VPS13C: variants seen among roughly 807,000 people sequenced by gnomAD.
VPS13C encodes vacuolar protein sorting 13 homolog C, also known as intermembrane lipid transfer protein VPS13C.
Under a neutral mutation model 456.8 loss-of-function variants are expected in VPS13C, and 358 were observed. The ratio of observed to expected loss-of-function variants is 0.78; its 90% CI spans 0.72 to 0.86. The LOEUF is 0.86. Among genes scored for constraint, VPS13C ranks in the 40% least tolerant of loss-of-function variants. The pLI, the probability that VPS13C is intolerant of heterozygous loss-of-function variation, is 0.00. For missense variants in VPS13C, 4,818 were observed against 4,385.4 expected, an observed-to-expected ratio of 1.10 and a Z score of -2.79; for synonymous variants, 1,578 against 1,486.7, an observed-to-expected ratio of 1.06 and a Z score of -1.41.
chr15:61,890,212 C>CAGT lies in VPS13C; in HGVS notation c.9291_9293dup (p.Leu3098dup). On this transcript the variant is annotated inframe_insertion, in exon 67 of 85. Transcript: ENST00000644861. ...CTTCCTGCTTGCTTTCATTGTTAAC[C>CAGT]AGTGAAAGCCCAAGACTGTGGAGAG... The CAGT allele has an allele frequency of 6.2e-7, 1 of 1,613,928 alleles. No individual in the cohort carries two copies. The highest frequency in any genetic ancestry group is 8.5e-7 in the Non-Finnish European group (1 of 1,179,974).
intron 66 of VPS13C, among the ~76,000 whole-genome samples, chr15:61,897,211 G>A (rs1191634016): frequency 6.6e-6 from 1 of 152,148 alleles, no homozygotes; most frequent in African/African-American, 2.4e-5. Flanking sequence ...TCCTCCAAAG[G>A]AATGCAGTTC....
At chr15:62,060,058 A>C in intron 1 of VPS13C, among the ~76,000 whole-genome samples, 1 of 152,192 alleles carries the variant, frequency 6.6e-6, no homozygotes, top group South Asian at 2.1e-4. Context: ...GAACTTTGGC[A>C]GCGCGGGCGG....
rs144188372 is a variant in VPS13C, at chr15:61,865,633, T to C, written c.10864-2105A>G. 1,203 of 421,184 alleles carry C rather than the reference T, an allele frequency of 2.9e-3. 2 individuals are homozygous for C. The highest frequency in any genetic ancestry group is 3.6e-3 in the Non-Finnish European group (1,132 of 314,658). The allele number at this position is 421,184 out of a possible 1,614,324, so 26.1% of individuals were successfully genotyped here. ...GTATATATGTATGTGTACATATGGG[T>C]ATATTTGTATGTGTGTATATATATG... is the stretch of plus-strand genomic sequence containing the variant. On this transcript the variant is annotated intron_variant, in intron 81 of 84. Coordinates refer to ENST00000644861, the MANE Select transcript of VPS13C (RefSeq NM_020821.3).
chr15:61,920,502 G>A lies in VPS13C; in HGVS notation c.7208C>T (p.Ala2403Val). 4.6e-6 allele frequency: 7 copies of A among 1,524,092 alleles called. No individual in the cohort carries two copies. The highest frequency in any genetic ancestry group is 6.2e-6 in the Non-Finnish European group (7 of 1,136,470). 94.4% of individuals were successfully genotyped at this position (1,524,092 alleles called of 1,614,324 possible). ...KSCLNVFNNL[A>V]KGFSEGTAST... ...CTAAGCAAGATTCAGACATACTTTT[G>A]CTAAATTGTTGAAAACATTAAGACA... The change falls in exon 56 of 85, where the codon GCA becomes GTA. Residue 2403 changes from alanine (A) to valine (V), a missense_variant. Ala to Val is a moderately conservative substitution (Grantham distance 64, BLOSUM62 0). Around this residue, in one of 3 missense-constraint regions of VPS13C, gnomAD observed 4,552 missense variants for 4,130.6 expected, o/e 1.10. Coordinates refer to ENST00000644861, the MANE Select transcript of VPS13C (RefSeq NM_020821.3).
chr15:62,022,986 G>A (rs2047513890), intron 8 of VPS13C, among the ~76,000 whole-genome samples: 1 of 151,902 alleles, frequency 6.6e-6, no homozygotes, highest in South Asian at 2.1e-4. Context: ...TCAGTGGTAT[G>A]TAAAGAGAAT....
chr15:61,884,384 A>G, intron 67 of VPS13C, 115 bp from the exon 68 acceptor site: 1 of 1,117,082 alleles, frequency 9.0e-7, no homozygotes, highest in Non-Finnish European at 1.2e-6. Context: ...CATTGGTATA[A>G]GGGACTTCTT....
At position 61,961,776 on chromosome 15, in the gene VPS13C, T is replaced by G. The variant is rs201491039; in HGVS notation, c.3721A>C (p.Ile1241Leu). The change falls in exon 35 of 85, where the codon ATC becomes CTC. Residue 1241 changes from isoleucine (I) to leucine (L), a missense_variant. Ile to Leu is a conservative substitution (Grantham distance 5, BLOSUM62 2). Around this residue, in one of 3 missense-constraint regions of VPS13C, gnomAD observed 4,552 missense variants for 4,130.6 expected, o/e 1.10. Transcript: ENST00000644861. ...DLAQRSFRVS[I>L]NIDLKAPVIV... ...ACCGGTGCTTTCAAATCAATATTGA[T>G]GGAAACACGAAAACTCCTCTGGGCA... 44 of 1,614,014 alleles carry G rather than the reference T, an allele frequency of 2.7e-5. No homozygotes were observed. The East Asian group carries it at 7.6e-4, about 28-fold the overall frequency.
intron 18 of VPS13C, among the ~76,000 whole-genome samples, chr15:61,985,260 A>G (rs1043663352): frequency 2.6e-5 from 4 of 152,060 alleles, no homozygotes; most frequent in African/African-American, 9.7e-5. Flanking sequence ...CTTAAGTTTT[A>G]TTTTATTTTA....
chr15:61,930,041 A>G (rs113788290), intron 50 of VPS13C, among the ~76,000 whole-genome samples: 42 of 152,340 alleles, frequency 2.8e-4, no homozygotes, highest in African/African-American at 1.0e-3. Flanking sequence ...TGCAATACTA[A>G]AGAAACAAAC....
chr15:61,914,282 T>C (rs1331821417), intron 61 of VPS13C, among the ~76,000 whole-genome samples: 1 of 151,992 alleles, frequency 6.6e-6, no homozygotes, highest in Non-Finnish European at 1.5e-5. Context: ...TTAAAACCCT[T>C]CAGGTGCCAT....
At chr15:61,933,013 G>A (rs1422926445) in intron 49 of VPS13C, among the ~76,000 whole-genome samples, 1 of 152,254 alleles carries the variant, frequency 6.6e-6, no homozygotes, top group African/African-American at 2.4e-5. Flanking sequence ...CAATATCTAG[G>A]ATGGATGAAA....
chr15:61,914,878 T>TAAAAAAAAAAAAAAAAAACAAAAAAAA (rs2043414929), intron 61 of VPS13C, among the ~76,000 whole-genome samples: 1 of 102,048 alleles, frequency 9.8e-6, no homozygotes, highest in Non-Finnish European at 2.0e-5. Flanking sequence ...AACTCTGCCT[T>TAAAAAAAAAAAAAAAAAACAAAAAAAA]AAAAAAAAAA....
chr15:61,915,556 T>C (rs2043444651), intron 61 of VPS13C, 77 bp downstream of exon 61: 2 of 1,422,540 alleles, frequency 1.4e-6, no homozygotes, highest in Admixed American at 2.5e-5. Flanking sequence ...AGCATGGTTT[T>C]AGGGAAGACA....
intron 62 of VPS13C, among the ~76,000 whole-genome samples, chr15:61,912,746 C>T (rs2043338607): frequency 6.6e-6 from 1 of 150,790 alleles, no homozygotes; most frequent in Non-Finnish European, 1.5e-5. Flanking sequence ...CACCCATTAA[C>T]TGGTCACTTA....
intron 27 of VPS13C, among the ~76,000 whole-genome samples, chr15:61,970,383 A>G (rs888502489): frequency 6.6e-6 from 1 of 152,250 alleles, no homozygotes; most frequent in Admixed American, 6.5e-5. Context: ...TAGTTGTTTT[A>G]AGCTATTTAA....
chr15:61,931,111 C>T lies in VPS13C; in HGVS notation c.6017G>A (p.Gly2006Glu). 1.2e-6 allele frequency: 2 copies of T among 1,614,018 alleles called. No individual in the cohort carries two copies. The highest frequency in any genetic ancestry group is 1.7e-6 in the Non-Finnish European group (2 of 1,180,016). ...KTCTLDDLRE[G>E]IERATSRMID... ...AAACCTCGATGTTGCTCTCTCAATT[C>T]CTTCTCTGAGATCATCAAGGGTGCA... is the stretch of plus-strand genomic sequence containing the variant. The change falls in exon 50 of 85, where the codon GGA becomes GAA. Residue 2006 changes from glycine (G) to glutamate (E), a missense_variant. Physicochemically the swap from Gly to Glu is moderately conservative, Grantham distance 98. Transcript: ENST00000644861.
At chr15:61,898,221 C>G (rs1315750930) in intron 66 of VPS13C, among the ~76,000 whole-genome samples, 3 of 151,822 alleles carry the variant, frequency 2.0e-5, no homozygotes, top group African/African-American at 7.3e-5. Flanking sequence ...CAGCTAACAT[C>G]ATAATGACAG....
chr15:61,995,305 A>G (rs984007303), intron 16 of VPS13C, among the ~76,000 whole-genome samples: 10 of 152,194 alleles, frequency 6.6e-5, no homozygotes, highest in Admixed American at 1.3e-4. Context: ...AGGGGTCACA[A>G]TTTGGAGAGT....
chr15:62,032,217 T>C (rs1230588182), intron 5 of VPS13C, among the ~76,000 whole-genome samples: 3 of 151,810 alleles, frequency 2.0e-5, no homozygotes, highest in Non-Finnish European at 3.0e-5. Flanking sequence ...TTTATGGTAC[T>C]ACTTTTACAT....
Sources: allele counts gnomAD v4.1 joint callset (sites outside exome capture counted in the v4.1 genomes callset), GRCh38; gene constraint gnomAD v4.1.1; regional missense constraint gnomAD v4.1.1; transcripts MANE v1.5; gene names NCBI Gene and HGNC (gene_info 2026-07-23, HGNC 2026-07-21).